Variants in CHSY1 observed in about 807,000 individuals in gnomAD.
CHSY1 encodes the protein chondroitin sulfate synthase 1, also known as N-acetylgalactosaminyl-proteoglycan 3-beta-glucuronosyltransferase 1.
In CHSY1, 13 loss-of-function variants were observed where a neutral mutation model predicts 59.8. That is an observed-to-expected ratio of 0.22 (90% confidence interval 0.14 to 0.35). The LOEUF is 0.35. Ranked by LOEUF, CHSY1 falls within the 10% of genes least tolerant of loss-of-function variation. CHSY1 has a pLI of 1.00. For missense variants in CHSY1, 947 were observed against 1,030.6 expected (o/e 0.92, Z 1.11); for synonymous variants, 459 against 401.2 (o/e 1.14, Z -1.72).
chr15:101,211,502 A>G (rs560645299), intron 2 of CHSY1, among the ~76,000 whole-genome samples: 3 of 152,340 alleles, frequency 2.0e-5, no homozygotes, highest in African/African-American at 4.8e-5. Context: ...ATATGTAACT[A>G]GAGACCCAGA....
At chr15:101,248,958 T>A (rs2039078606) in intron 1 of CHSY1, among the ~76,000 whole-genome samples, 1 of 149,226 alleles carries the variant, frequency 6.7e-6, no homozygotes, top group African/African-American at 2.5e-5. Context: ...GGCTAATTTT[T>A]TTTTTTTTTT....
Position 101,230,286 on chromosome 15 carries a change from A to T in CHSY1, c.816+4796T>A, listed in dbSNP as rs1200620588. 7.9e-5 allele frequency among the ~76,000 whole-genome samples: 12 copies of T among 152,250 alleles called. No individual in the cohort carries two copies. The East Asian group carries it at 1.9e-3, about 25-fold the overall frequency. On this transcript the variant is annotated intron_variant, in intron 2 of 2. Coordinates refer to ENST00000254190, the MANE Select transcript of CHSY1 (RefSeq NM_014918.5). ...GCAGCATTAGTGCTCACTCTTTGGG[A>T]CATCTAGCCACTGAGGGTCTGCCTG... is the stretch of plus-strand genomic sequence containing the variant.
At chr15:101,224,258 C>T (rs1268750833) in intron 2 of CHSY1, among the ~76,000 whole-genome samples, 2 of 152,152 alleles carry the variant, frequency 1.3e-5, no homozygotes, top group African/African-American at 4.8e-5. Flanking sequence ...AACTCATTGC[C>T]AGTAACATGG....
chr15:101,225,552 GTCC>G lies in CHSY1; in HGVS notation c.816+9527_816+9529del, dbSNP rs568425785. On this transcript the variant is annotated intron_variant, in intron 2 of 2. Transcript: ENST00000254190. ...TCATGAATGGTTTATCTGTGGTGCT[GTCC>G]TCCTAACAGTGAGTTAGTTCAAGAT... Among the ~76,000 whole-genome samples, 11 of 152,196 alleles carry G rather than the reference GTCC, an allele frequency of 7.2e-5. No homozygotes were observed. The East Asian group carries it at 2.1e-3, about 29-fold the overall frequency.
chr15:101,215,261 G>C (rs961331542), intron 2 of CHSY1, among the ~76,000 whole-genome samples: 5 of 152,176 alleles, frequency 3.3e-5, no homozygotes, highest in African/African-American at 9.7e-5. Context: ...AAGACTGTAA[G>C]TTACAGAGCT....
At chr15:101,224,596 G>T (rs1046941520) in intron 2 of CHSY1, among the ~76,000 whole-genome samples, 3 of 152,210 alleles carry the variant, frequency 2.0e-5, no homozygotes, top group African/African-American at 7.2e-5. Context: ...TGCCAAGTCT[G>T]GGGCCTAGAA....
At chr15:101,201,097 T>C (rs990529423) in intron 2 of CHSY1, among the ~76,000 whole-genome samples, 1 of 148,634 alleles carries the variant, frequency 6.7e-6, no homozygotes, top group African/African-American at 2.5e-5. Context: ...CCAGAGTGTG[T>C]CTATAGGTGG....
chr15:101,196,457 CAG>C (rs1475641989), intron 2 of CHSY1, among the ~76,000 whole-genome samples: 1 of 152,028 alleles, frequency 6.6e-6, no homozygotes, highest in Non-Finnish European at 1.5e-5. Context: ...CAGGAAAACT[CAG>C]AGAGGTAAAA....
Position 101,201,569 on chromosome 15 carries a change from G to A in CHSY1, c.817-22589C>T, listed in dbSNP as rs1175037449. On this transcript the variant is annotated intron_variant, in intron 2 of 2. Transcript: ENST00000254190. ...TGCCTTTCCAGCAGGCGGTTGGGCA[G>A]TGGGGTGGGAGGAGAGGAGGCAGGA... Among the ~76,000 whole-genome samples, 3 of 152,244 alleles carry A rather than the reference G, an allele frequency of 2.0e-5. No homozygotes were observed. In the East Asian group the frequency reaches 5.8e-4, roughly 29 times the overall value.
chr15:101,211,636 CAA>C (rs1337621224), intron 2 of CHSY1, among the ~76,000 whole-genome samples: 1 of 151,822 alleles, frequency 6.6e-6, no homozygotes, highest in African/African-American at 2.4e-5. Context: ...TGAATAAATA[CAA>C]AGACAGTATA....
intron 2 of CHSY1, among the ~76,000 whole-genome samples, chr15:101,183,248 G>A (rs752668792): frequency 1.3e-5 from 2 of 152,108 alleles, no homozygotes; most frequent in Non-Finnish European, 2.9e-5. Flanking sequence ...AGAATTAAGG[G>A]AGTCAGGTGC....
chr15:101,189,282 G>T, intron 2 of CHSY1: 1 of 295,462 alleles, frequency 3.4e-6, no homozygotes, highest in Non-Finnish European at 5.0e-6. Context: ...TGCTCTCTCA[G>T]CACCCTCTCC....
At chr15:101,219,375 A>G (rs1431198400) in intron 2 of CHSY1, among the ~76,000 whole-genome samples, 2 of 152,246 alleles carry the variant, frequency 1.3e-5, no homozygotes. Flanking sequence ...ACGACAAAAC[A>G]AAGGCTGAGG....
rs58200805 is a variant in CHSY1, at chr15:101,185,412, A to G, written c.817-6432T>C. ...GCCAGCCCTTGCTCTGAGTGTGAAC[A>G]ACCTCCATGGAGCACCCTCCATCCT... On this transcript the variant is annotated intron_variant, in intron 2 of 2. Transcript: ENST00000254190. Among the ~76,000 whole-genome samples the G allele has an allele frequency of 7.0e-5, 8 of 115,002 alleles. 1 individual carries two copies. Among genetic ancestry groups the G allele is most frequent in the African/African-American group, 2.8e-4 (8 of 28,440 alleles). 75.4% of individuals were successfully genotyped at this position (115,002 alleles called of 152,430 possible).
At chr15:101,228,453 A>C (rs2038862169) in intron 2 of CHSY1, among the ~76,000 whole-genome samples, 1 of 152,206 alleles carries the variant, frequency 6.6e-6, no homozygotes, top group South Asian at 2.1e-4. Flanking sequence ...AGCCAAAGAG[A>C]ATCTTAAGAG....
intron 2 of CHSY1, among the ~76,000 whole-genome samples, chr15:101,205,065 G>A (rs1170035010): frequency 6.6e-6 from 1 of 152,178 alleles, no homozygotes; most frequent in Non-Finnish European, 1.5e-5. Context: ...ACTACTCAGA[G>A]AGATTTTCAG....
intron 2 of CHSY1, among the ~76,000 whole-genome samples, chr15:101,213,536 C>G (rs2038702928): frequency 6.6e-6 from 1 of 152,156 alleles, no homozygotes; most frequent in African/African-American, 2.4e-5. Flanking sequence ...TAAGATTATT[C>G]TCAAATTTAA....
At chr15:101,189,266 C>T (rs1390525487) in intron 2 of CHSY1, among the ~76,000 whole-genome samples, 5 of 152,374 alleles carry the variant, frequency 3.3e-5, no homozygotes, top group Admixed American at 2.0e-4. Context: ...CTGGCCTCCA[C>T]GCCCGTGCTC....
chr15:101,245,232 C>T (rs2039038922), intron 1 of CHSY1, among the ~76,000 whole-genome samples: 1 of 152,176 alleles, frequency 6.6e-6, no homozygotes, highest in African/African-American at 2.4e-5. Flanking sequence ...CTACCACCCA[C>T]AGCCTACACC....
Sources: gnomAD v4.1 joint callset for allele counts (sites outside exome capture counted in the v4.1 genomes callset) on GRCh38, gnomAD v4.1.1 for gene constraint, MANE v1.5 for transcripts, NCBI Gene and HGNC (gene_info 2026-07-23, HGNC 2026-07-21) for gene names.